PIMREG: variants seen among roughly 807,000 people sequenced by gnomAD.
PIMREG encodes the protein protein PIMREG.
Under a neutral mutation model 24.3 loss-of-function variants are expected in PIMREG, and 19 were observed. That is an observed-to-expected ratio of 0.78 (90% confidence interval 0.54 to 1.15). The LOEUF is 1.15. PIMREG is among the 50% of genes most tolerant of loss of function. PIMREG has a pLI of 0.00. For synonymous variants in PIMREG, 112 were observed against 124.1 expected (o/e 0.90, Z 0.65); for missense variants, 283 against 306.8 (o/e 0.92, Z 0.58).
At position 6,449,425 on chromosome 17, in the gene PIMREG, G is replaced by T. The variant is rs1255095911; in HGVS notation, c.686+18G>T. 7.5e-6 allele frequency: 12 copies of T among 1,607,802 alleles called. No individual in the cohort carries two copies. The highest frequency in any genetic ancestry group is 1.0e-5 in the Non-Finnish European group (12 of 1,176,542). On this transcript the variant is annotated intron_variant, in intron 4 of 5. Transcript: ENST00000572447. ...GAAGAGAGGTGAGTTGGCATCCCAT[G>T]CTTCAAAGTGAAGGGGCCGGGAGGG...
intron 3 of PIMREG, among the ~76,000 whole-genome samples, chr17:6,448,559 T>A (rs528353224): frequency 3.3e-5 from 5 of 152,280 alleles, no homozygotes; most frequent in African/African-American, 1.2e-4. Context: ...GTTTGGTGAT[T>A]AGCCTGAGGG....
intron 5 of PIMREG, 67 bp from the exon 6 acceptor site, chr17:6,450,295 G>T: frequency 7.1e-7 from 1 of 1,399,964 alleles, no homozygotes; most frequent in Non-Finnish European, 9.7e-7. Context: ...ACCCCGCAGT[G>T]AGCAGGGAAA....
intron 2 of PIMREG, 32 bp from the exon 3 acceptor site, chr17:6,447,430 GT>G (rs769819288): frequency 6.3e-7 from 1 of 1,596,578 alleles, no homozygotes; most frequent in African/African-American, 1.3e-5. Flanking sequence ...TTTTGGTTTT[GT>G]CTGTGCTAAC....
chr17:6,447,379 G>A (rs550777981), intron 2 of PIMREG, 84 bp from the exon 3 acceptor site: 385 of 1,460,206 alleles, frequency 2.6e-4, no homozygotes, highest in Non-Finnish European at 3.5e-4. Context: ...GCCTCCCAAA[G>A]TACTGGGATT....
In PIMREG at chr17:6,445,106, G is replaced by A. The variant is rs1344270005; in HGVS notation, c.-5G>A. 1 of 1,585,008 alleles carries A rather than the reference G, an allele frequency of 6.3e-7. No individual in the cohort carries two copies. The highest frequency in any genetic ancestry group is 8.6e-7 in the Non-Finnish European group (1 of 1,165,390). ...AGTGGACAGAGAAGACTCTTGGCCAGGCAGATGGCTTCTCGGTGGCAGAAC... is the reference window on the plus strand; with the variant it reads ...AGTGGACAGAGAAGACTCTTGGCCAAGCAGATGGCTTCTCGGTGGCAGAAC... On this transcript the variant is annotated 5_prime_UTR_variant, in exon 2 of 6. Coordinates refer to ENST00000572447, the MANE Select transcript of PIMREG (RefSeq NM_019013.3).
intron 3 of PIMREG, 67 bp from the exon 4 acceptor site, chr17:6,449,245 C>T (rs1009392748): frequency 1.2e-5 from 17 of 1,397,302 alleles, no homozygotes; most frequent in African/African-American, 1.0e-4. Flanking sequence ...ACCCCGGTAC[C>T]GGGTTGCAAG....
At position 6,449,332 on chromosome 17, in the gene PIMREG, A is replaced by T. The variant is rs1435811421; in HGVS notation, c.611A>T (p.Glu204Val). ...TGCAGCGAGTCTGACAGTGACCTAG[A>T]GCCTGTGGGGGCGGGAATTCAGCAT... ...CSPSESDSDL[E>V]PVGAGIQHLQ... The change falls in exon 4 of 6, where the codon GAG becomes GTG. Residue 204 changes from glutamate to valine, a missense_variant. Coordinates refer to ENST00000572447, the MANE Select transcript of PIMREG (RefSeq NM_019013.3). 6.2e-7 allele frequency: 1 copy of T among 1,612,940 alleles called. No homozygotes were observed. Among genetic ancestry groups the T allele is most frequent in the Non-Finnish European group, 8.5e-7 (1 of 1,179,504 alleles).
chr17:6,444,842 T>C lies in PIMREG; in HGVS notation c.-35-234T>C, dbSNP rs112793915. On this transcript the variant is annotated intron_variant, in intron 1 of 5. Transcript: ENST00000572447. This position sits in a 1 kb window ranked among gnomAD's most constrained non-coding sequence, Gnocchi z 4.3. ...GCCTGAGCCAGAGAGAGGAAGGAGGTTGGGATGAAAAGACAGCTGTTTTGG... is the reference window on the plus strand; with the variant it reads ...GCCTGAGCCAGAGAGAGGAAGGAGGCTGGGATGAAAAGACAGCTGTTTTGG... 0.028 allele frequency among the ~76,000 whole-genome samples: 4,309 copies of C among 151,268 alleles called. 133 individuals are homozygous for C. The highest frequency in any genetic ancestry group is 0.12 in the South Asian group (554 of 4,774).
In PIMREG at chr17:6,450,386, A is replaced by C. The variant is rs1244431160; in HGVS notation, c.*39A>C. On this transcript the variant is annotated 3_prime_UTR_variant, in exon 6 of 6. Coordinates refer to ENST00000572447, the MANE Select transcript of PIMREG (RefSeq NM_019013.3). ...GGAAACAAGCCCTGTCTGACCGCCA[A>C]GGCTTCATACTCAAGGATGTCTATG... is the stretch of plus-strand genomic sequence containing the variant. The C allele has an allele frequency of 6.4e-7, 1 of 1,568,684 alleles. No homozygotes were observed. The highest frequency in any genetic ancestry group is 1.3e-5 in the African/African-American group (1 of 74,280).
rs1205752267 is a variant in PIMREG, at chr17:6,449,999, G to A, written c.687-29G>A. ...GCCCTCTCAGAGCCCACCACACCCA[G>A]TGGCATCAATCCCTCCCCTTCTCTC... is the stretch of plus-strand genomic sequence containing the variant. On this transcript the variant is annotated intron_variant, in intron 4 of 5. Transcript: ENST00000572447. 1.9e-6 allele frequency: 3 copies of A among 1,612,774 alleles called. No homozygotes were observed. In the South Asian group the frequency reaches 3.3e-5, roughly 18 times the overall value.
Position 6,444,980 on chromosome 17 carries a change from G to A in PIMREG, c.-35-96G>A. Reference sequence around the variant, plus strand: ...ACTCGCCCGCCCCCGCCACCCCGCTGCATCCCGTCTCTTCCCCTGTGTCCA... The same window carrying A: ...ACTCGCCCGCCCCCGCCACCCCGCTACATCCCGTCTCTTCCCCTGTGTCCA... On this transcript the variant is annotated intron_variant, in intron 1 of 5. Coordinates refer to ENST00000572447, the MANE Select transcript of PIMREG (RefSeq NM_019013.3). This position sits in a 1 kb window ranked among gnomAD's most constrained non-coding sequence, Gnocchi z 4.3. 3 of 1,017,174 alleles carry A rather than the reference G, an allele frequency of 2.9e-6. No homozygotes were observed. The highest frequency in any genetic ancestry group is 2.7e-6 in the Non-Finnish European group (2 of 739,320). The allele number at this position is 1,017,174 out of a possible 1,614,324, so 63.0% of individuals were successfully genotyped here. A position where few individuals can be genotyped will look rare whatever the true frequency, so the allele number is the denominator to read the frequency against.
chr17:6,445,445 T>G, intron 2 of PIMREG, 41 bp downstream of exon 2: 2 of 1,557,932 alleles, frequency 1.3e-6, no homozygotes, highest in Non-Finnish European at 1.7e-6. Context: ...ATGGAGTGTT[T>G]CCTTGGTGCC....
intron 2 of PIMREG, among the ~76,000 whole-genome samples, chr17:6,446,757 G>A (rs548402620): frequency 6.6e-6 from 1 of 152,318 alleles, no homozygotes; most frequent in Non-Finnish European, 1.5e-5. Flanking sequence ...GAGTGAGTGA[G>A]ACCCGAGGCA....
Position 6,449,993 on chromosome 17 carries a change from C to A in PIMREG, c.687-35C>A, listed in dbSNP as rs190956859. ...GGGAGGGCCCTCTCAGAGCCCACCA[C>A]ACCCAGTGGCATCAATCCCTCCCCT... On this transcript the variant is annotated intron_variant, in intron 4 of 5. Transcript: ENST00000572447. 441 of 1,610,584 alleles carry A rather than the reference C, an allele frequency of 2.7e-4. 1 individual carries two copies. In the African/African-American group the frequency reaches 4.8e-3, roughly 18 times the overall value.
At chr17:6,448,408 A>T (rs1179972225) in intron 3 of PIMREG, among the ~76,000 whole-genome samples, 3 of 151,826 alleles carry the variant, frequency 2.0e-5, no homozygotes, top group African/African-American at 7.3e-5. Context: ...AAGGCTGCAT[A>T]GTAGCTTAGG....
At position 6,450,670 on chromosome 17, in the gene PIMREG, A is replaced by G. The variant is rs536267658; in HGVS notation, c.*323A>G. Reference sequence around the variant, plus strand: ...CTTGAGCCTTCTATTTGCCTCATCTATAACATGAAGTGCTAGCATCAGATA... The same window carrying G: ...CTTGAGCCTTCTATTTGCCTCATCTGTAACATGAAGTGCTAGCATCAGATA... On this transcript the variant is annotated 3_prime_UTR_variant, in exon 6 of 6. Coordinates refer to ENST00000572447, the MANE Select transcript of PIMREG (RefSeq NM_019013.3). 1.3e-5 allele frequency: 6 copies of G among 462,900 alleles called. No homozygotes were observed. Among genetic ancestry groups the G allele is most frequent in the African/African-American group, 5.9e-5 (3 of 51,026 alleles). 28.7% of individuals were successfully genotyped at this position (462,900 alleles called of 1,614,324 possible). A position where few individuals can be genotyped will look rare whatever the true frequency, so the allele number is the denominator to read the frequency against.
intron 3 of PIMREG, 105 bp from the exon 4 acceptor site, chr17:6,449,207 G>A (rs185596869): frequency 2.9e-4 from 256 of 896,018 alleles, no homozygotes; most frequent in Non-Finnish European, 3.2e-4. Context: ...AGCCCAGCCC[G>A]CCAGGGTCAT....
chr17:6,446,212 G>A, intron 2 of PIMREG: 1 of 401,142 alleles, frequency 2.5e-6, no homozygotes, highest in Middle Eastern at 3.1e-4. Flanking sequence ...ACCCTTCAAG[G>A]GATGCATCTT....
rs1913537912 is a variant in PIMREG at position 6,445,453 on chromosome 17, GCCA to G, written c.294+50_294+52del. On this transcript the variant is annotated intron_variant, in intron 2 of 5. Coordinates refer to ENST00000572447, the MANE Select transcript of PIMREG (RefSeq NM_019013.3). ...CTTTTTTATGGAGTGTTTCCTTGGTGCCAGGCAGTTCCTGCCCTCAAAGAGCCT... is the reference window on the plus strand; with the variant it reads ...CTTTTTTATGGAGTGTTTCCTTGGTGGGCAGTTCCTGCCCTCAAAGAGCCT... 5 of 1,543,472 alleles carry G rather than the reference GCCA, an allele frequency of 3.2e-6. 1 individual carries two copies. The highest frequency in any genetic ancestry group is 4.4e-6 in the Non-Finnish European group (5 of 1,140,882).
Sources: allele counts gnomAD v4.1 joint callset (sites outside exome capture counted in the v4.1 genomes callset), GRCh38; gene constraint gnomAD v4.1.1; non-coding constraint Gnocchi (gnomAD v3.1); transcripts MANE v1.5; gene names NCBI Gene and HGNC (gene_info 2026-07-23, HGNC 2026-07-21).